The following LRRC3B variants were observed in gnomAD, a reference collection of about 807,000 sequenced individuals.
The protein encoded by LRRC3B is leucine rich repeat containing 3B.
Under a neutral mutation model 12.8 loss-of-function variants are expected in LRRC3B, and 2 were observed. The ratio of observed to expected loss-of-function variants is 0.16; its 90% CI spans 0.06 to 0.49. The LOEUF (loss-of-function observed/expected upper bound fraction) is 0.49, where lower values mean the gene tolerates loss of function less well. Ranked by LOEUF, LRRC3B falls within the 20% of genes least tolerant of loss-of-function variation. The pLI, the probability that LRRC3B is intolerant of heterozygous loss-of-function variation, is 0.96. For synonymous variants in LRRC3B, 132 were observed against 122.0 expected (o/e 1.08, Z -0.54); for missense variants, 189 against 319.4 (o/e 0.59, Z 3.11).
chr3:26,658,138 C>T (rs1470207350), intron 1 of LRRC3B, among the ~76,000 whole-genome samples: 1 of 152,114 alleles, frequency 6.6e-6, no homozygotes, highest in African/African-American at 2.4e-5. Context: ...GTTTCAGTGG[C>T]ACCATCTTGG....
chr3:26,704,680 A>G (rs568173656), intron 1 of LRRC3B, among the ~76,000 whole-genome samples: 239 of 152,230 alleles, frequency 1.6e-3, no homozygotes, highest in African/African-American at 5.0e-3. Flanking sequence ...CAGGGACTAT[A>G]GGTGTGTACT....
At chr3:26,651,404 C>T (rs1464361311) in intron 1 of LRRC3B, among the ~76,000 whole-genome samples, 1 of 152,120 alleles carries the variant, frequency 6.6e-6, no homozygotes, top group Non-Finnish European at 1.5e-5. Flanking sequence ...TGCTTGTCAC[C>T]ACCTGAACTA....
chr3:26,683,381 T>C (rs1310820100), intron 1 of LRRC3B, among the ~76,000 whole-genome samples: 1 of 152,152 alleles, frequency 6.6e-6, no homozygotes, highest in Middle Eastern at 3.2e-3. Context: ...AAAGCCAGAT[T>C]TCAGCAGTTG....
In LRRC3B at chr3:26,686,801, T is replaced by C. The variant is rs979885691; in HGVS notation, c.-160-22712T>C. Among the ~76,000 whole-genome samples the C allele has an allele frequency of 2.0e-5, 3 of 151,418 alleles. No individual in the cohort carries two copies. In the Admixed American group the frequency reaches 2.0e-4, roughly 10 times the overall value. On this transcript the variant is annotated intron_variant, in intron 1 of 1. Transcript: ENST00000396641. ...GAATGGCAAGAAGGAGAAGATAAGCTGTGATGCAGAACCAACCACAGCCTC... is the reference window on the plus strand; with the variant it reads ...GAATGGCAAGAAGGAGAAGATAAGCCGTGATGCAGAACCAACCACAGCCTC...
chr3:26,640,067 T>C (rs1456814861), intron 1 of LRRC3B, among the ~76,000 whole-genome samples: 1 of 152,180 alleles, frequency 6.6e-6, no homozygotes, highest in East Asian at 1.9e-4. Context: ...GCCATCACTT[T>C]TAAAGCACCT....
At chr3:26,666,844 G>A (rs919087634) in intron 1 of LRRC3B, among the ~76,000 whole-genome samples, 1 of 151,936 alleles carries the variant, frequency 6.6e-6, no homozygotes, top group Non-Finnish European at 1.5e-5. Flanking sequence ...ATATTTCCTT[G>A]CTTTTCATGA....
At chr3:26,634,556 GAA>G (rs371518229) in intron 1 of LRRC3B, among the ~76,000 whole-genome samples, 13 of 152,182 alleles carry the variant, frequency 8.5e-5, no homozygotes, top group Admixed American at 2.6e-4. Flanking sequence ...GGGTGACAGG[GAA>G]AAGGTTCAAT....
At chr3:26,671,577 T>TAGAG (rs1699749888) in intron 1 of LRRC3B, among the ~76,000 whole-genome samples, 2 of 151,016 alleles carry the variant, frequency 1.3e-5, no homozygotes, top group African/African-American at 4.9e-5. Flanking sequence ...TATTTTTTAG[T>TAGAG]AGAGACGGGG....
chr3:26,656,327 T>A (rs1293052435), intron 1 of LRRC3B, among the ~76,000 whole-genome samples: 1 of 152,184 alleles, frequency 6.6e-6, no homozygotes, highest in Non-Finnish European at 1.5e-5. Context: ...ATTACATGAT[T>A]GTGCGGGCAG....
intron 1 of LRRC3B, among the ~76,000 whole-genome samples, chr3:26,640,813 G>T (rs180958860): frequency 1.3e-5 from 2 of 152,116 alleles, no homozygotes; most frequent in Admixed American, 1.3e-4. Context: ...GTGAGCTGGC[G>T]AAATGGCTTA....
Position 26,632,505 on chromosome 3 carries a change from G to A in LRRC3B, c.-161+9268G>A, listed in dbSNP as rs559494693. Among the ~76,000 whole-genome samples, 121 of 152,190 alleles carry A rather than the reference G, an allele frequency of 8.0e-4. 1 individual carries two copies. Among genetic ancestry groups the A allele is most frequent in the Non-Finnish European group, 1.2e-3 (84 of 68,000 alleles). On this transcript the variant is annotated intron_variant, in intron 1 of 1. Coordinates refer to ENST00000396641, the Ensembl canonical transcript of LRRC3B. ...GGACTTCTGAACAGAAGCCATATCTGTATCTCGGGCGATGGCGAGACAAGA... is the reference window on the plus strand; with the variant it reads ...GGACTTCTGAACAGAAGCCATATCTATATCTCGGGCGATGGCGAGACAAGA...
chr3:26,635,756 G>T (rs910767537), intron 1 of LRRC3B, among the ~76,000 whole-genome samples: 1 of 152,198 alleles, frequency 6.6e-6, no homozygotes, highest in African/African-American at 2.4e-5. Context: ...GATAAAAATG[G>T]ACCTCGCTTT....
intron 1 of LRRC3B, among the ~76,000 whole-genome samples, chr3:26,640,045 C>A (rs1698990352): frequency 6.6e-6 from 1 of 152,156 alleles, no homozygotes; most frequent in African/African-American, 2.4e-5. Context: ...TTGCTCCAAG[C>A]CCCACAAGGC....
chr3:26,628,165 ATATG>A (rs770876824), intron 1 of LRRC3B, among the ~76,000 whole-genome samples: 7 of 152,204 alleles, frequency 4.6e-5, no homozygotes, highest in Non-Finnish European at 1.0e-4. Context: ...AATCATATAA[ATATG>A]AGTTCATTGA....
intron 1 of LRRC3B, among the ~76,000 whole-genome samples, chr3:26,681,962 T>C (rs1333607923): frequency 6.6e-6 from 1 of 152,024 alleles, no homozygotes; most frequent in East Asian, 1.9e-4. Flanking sequence ...TCATATTATA[T>C]CCTACGATAA....
chr3:26,689,052 C>T (rs1700141081), intron 1 of LRRC3B, among the ~76,000 whole-genome samples: 1 of 152,146 alleles, frequency 6.6e-6, no homozygotes, highest in African/African-American at 2.4e-5. Context: ...GGTGGAGAGA[C>T]CTCAGTGTCT....
chr3:26,648,347 C>G (rs1699195381), intron 1 of LRRC3B, among the ~76,000 whole-genome samples: 1 of 151,980 alleles, frequency 6.6e-6, no homozygotes, highest in South Asian at 2.1e-4. Flanking sequence ...GGTGGAAACC[C>G]CTCCTTCCCT....
chr3:26,687,492 G>A (rs1376778206), intron 1 of LRRC3B, among the ~76,000 whole-genome samples: 1 of 152,138 alleles, frequency 6.6e-6, no homozygotes, highest in Non-Finnish European at 1.5e-5. Context: ...TGTGTGGCAC[G>A]CTGCCGCTGA....
chr3:26,667,260 A>G (rs924541895), intron 1 of LRRC3B, among the ~76,000 whole-genome samples: 1 of 152,096 alleles, frequency 6.6e-6, no homozygotes, highest in Non-Finnish European at 1.5e-5. Flanking sequence ...AACTGGACTT[A>G]GTGCATTATT....
Sources: allele counts gnomAD v4.1 joint callset (sites outside exome capture counted in the v4.1 genomes callset), GRCh38; gene constraint gnomAD v4.1.1; transcripts MANE v1.5; gene names NCBI Gene and HGNC (gene_info 2026-07-23, HGNC 2026-07-21).